The following EIF4E3 variants were observed in gnomAD, a reference collection of about 807,000 sequenced individuals.
EIF4E3 encodes eukaryotic translation initiation factor 4E family member 3.
EIF4E3 carries 26 observed loss-of-function variants against 31.7 expected under a neutral mutation model. That is an observed-to-expected ratio of 0.82 (90% CI 0.60 to 1.14). The LOEUF is 1.14. EIF4E3 is among the 50% of genes most tolerant of loss of function. The pLI is 0.00. For missense variants in EIF4E3, 304 were observed against 270.9 expected, an observed-to-expected ratio of 1.12 and a Z score of -0.86; for synonymous variants, 128 against 107.7, an observed-to-expected ratio of 1.19 and a Z score of -1.17.
At chr3:71,711,600 AGGTTGG>A (rs1203766288) in intron 1 of EIF4E3, among the ~76,000 whole-genome samples, 1 of 152,224 alleles carries the variant, frequency 6.6e-6, no homozygotes, top group African/African-American at 2.4e-5. Flanking sequence ...GCCCATGCCC[AGGTTGG>A]GGTAAGCACA....
At chr3:71,707,633 G>T (rs2049312582) in intron 2 of EIF4E3, among the ~76,000 whole-genome samples, 2 of 152,114 alleles carry the variant, frequency 1.3e-5, no homozygotes, top group South Asian at 4.2e-4. Flanking sequence ...GGCCCTAAAA[G>T]AACCCTTTTT....
At chr3:71,730,220 G>A (rs1001878136), upstream of EIF4E3, among the ~76,000 whole-genome samples, 1 of 152,172 alleles carries the variant, frequency 6.6e-6, no homozygotes, top group African/African-American at 2.4e-5. Flanking sequence ...TGTGGTTCAA[G>A]AGTGATTGCT....
intron 1 of EIF4E3, among the ~76,000 whole-genome samples, chr3:71,713,128 T>G (rs1200290547): frequency 6.6e-6 from 1 of 152,214 alleles, no homozygotes; most frequent in African/African-American, 2.4e-5. Context: ...GAATTCTTGC[T>G]AGTGTGCTGA....
intron 1 of EIF4E3, among the ~76,000 whole-genome samples, chr3:71,743,859 G>A (rs2049844921): frequency 6.6e-6 from 1 of 151,876 alleles, no homozygotes; most frequent in South Asian, 2.1e-4. Flanking sequence ...TTCAACAAGG[G>A]GTGCTGGAAC....
chr3:71,684,478 G>A lies in EIF4E3; in HGVS notation c.*204C>T. The A allele has an allele frequency of 4.9e-6, 2 of 407,616 alleles. No individual in the cohort carries two copies. The highest frequency in any genetic ancestry group is 8.5e-6 in the Non-Finnish European group (2 of 234,654). The allele number at this position is 407,616 out of a possible 1,614,324, so 25.2% of individuals were successfully genotyped here. On this transcript the variant is annotated 3_prime_UTR_variant, in exon 7 of 7. Transcript: ENST00000425534. ...TTTTTGTGTGTGTTTTTTTTAAAAA[G>A]CAAGTAATGTGACGGTAGAAACCCA...
chr3:71,691,353 A>C (rs1045038972), intron 5 of EIF4E3, among the ~76,000 whole-genome samples: 2 of 152,240 alleles, frequency 1.3e-5, no homozygotes, highest in Admixed American at 1.3e-4. Context: ...TACTAAAAGA[A>C]ATAATCGGCA....
chr3:71,705,383 A>G (rs1429277026), intron 2 of EIF4E3, among the ~76,000 whole-genome samples: 1 of 152,186 alleles, frequency 6.6e-6, no homozygotes, highest in Non-Finnish European at 1.5e-5. Context: ...GACAGCACAC[A>G]GGATAGGTTT....
chr3:71,725,478 G>GCCCC (rs2049624219), upstream of EIF4E3: 1 of 591,274 alleles, frequency 1.7e-6, no homozygotes, highest in Non-Finnish European at 2.1e-6. This position sits in a 1 kb window ranked among gnomAD's most constrained non-coding sequence, Gnocchi z 6.1. Context: ...CCCCGCCCCG[G>GCCCC]GCTAGCCGCC....
chr3:71,751,308 G>A (rs1489417770), intron 1 of EIF4E3, among the ~76,000 whole-genome samples: 1 of 152,152 alleles, frequency 6.6e-6, no homozygotes, highest in Admixed American at 6.5e-5. Context: ...TGGTGAAAGC[G>A]TGAACAAATT....
chr3:71,712,794 C>T (rs1332426254), intron 1 of EIF4E3, among the ~76,000 whole-genome samples: 1 of 138,126 alleles, frequency 7.2e-6, no homozygotes, highest in African/African-American at 2.7e-5. Context: ...TTGCTTCATA[C>T]AGTATTATGT....
downstream of EIF4E3, among the ~76,000 whole-genome samples, chr3:71,674,913 G>A (rs2048864632): frequency 1.3e-5 from 2 of 152,198 alleles, no homozygotes; most frequent in Admixed American, 1.3e-4. Flanking sequence ...CAAGCGAATA[G>A]AATTTCAACC....
At chr3:71,745,402 T>C (rs1225583990) in intron 1 of EIF4E3, among the ~76,000 whole-genome samples, 1 of 152,216 alleles carries the variant, frequency 6.6e-6, no homozygotes, top group East Asian at 1.9e-4. Context: ...AAGATGTGTC[T>C]TACAGGAACT....
the EIF4E3 span, among the ~76,000 whole-genome samples, chr3:71,663,821 C>T: frequency 4.6e-5 from 7 of 152,324 alleles, no homozygotes; most frequent in East Asian, 3.9e-4. Flanking sequence ...TCATGGTGTC[C>T]GCCATCACCT....
At chr3:71,662,643 G>T in the EIF4E3 span, among the ~76,000 whole-genome samples, 1 of 152,274 alleles carries the variant, frequency 6.6e-6, no homozygotes, top group African/African-American at 2.4e-5. Context: ...AATTTCCGGT[G>T]GTGCCAGCAC....
intron 1 of EIF4E3, among the ~76,000 whole-genome samples, chr3:71,741,544 G>A (rs1426758986): frequency 2.0e-5 from 3 of 152,140 alleles, no homozygotes; most frequent in Non-Finnish European, 4.4e-5. Context: ...AGAAGTGCAA[G>A]GAGAAATACA....
At chr3:71,705,625 C>T (rs575044469) in intron 2 of EIF4E3, among the ~76,000 whole-genome samples, 4 of 152,100 alleles carry the variant, frequency 2.6e-5, no homozygotes, top group Admixed American at 6.5e-5. Context: ...AACTGATGTT[C>T]GAGACAGAGT....
the EIF4E3 span, among the ~76,000 whole-genome samples, chr3:71,662,917 T>TGATGA: frequency 6.6e-6 from 1 of 152,176 alleles, no homozygotes; most frequent in Admixed American, 6.5e-5. Context: ...AAGCTGAGCA[T>TGATGA]GATGAGTGCA....
intron 1 of EIF4E3, among the ~76,000 whole-genome samples, chr3:71,715,166 GTGC>G (rs2049446410): frequency 6.6e-6 from 1 of 152,182 alleles, no homozygotes; most frequent in Non-Finnish European, 1.5e-5. Flanking sequence ...GAAGCCAACG[GTGC>G]TGCTGAACAT....
intron 1 of EIF4E3, among the ~76,000 whole-genome samples, chr3:71,721,831 G>A (rs1460159085): frequency 6.6e-6 from 1 of 152,092 alleles, no homozygotes; most frequent in Non-Finnish European, 1.5e-5. Context: ...TAATATGGAA[G>A]GTCTGAGAAG....
Sources: gnomAD v4.1 joint callset for allele counts (sites outside exome capture counted in the v4.1 genomes callset) on GRCh38, gnomAD v4.1.1 for gene constraint, Gnocchi (gnomAD v3.1) non-coding constraint, MANE v1.5 for transcripts, NCBI Gene and HGNC (gene_info 2026-07-23, HGNC 2026-07-21) for gene names.